Variants in GLYATL2 observed in about 807,000 individuals in gnomAD.
GLYATL2 encodes glycine N-acyltransferase-like protein 2.
GLYATL2 carries 25 observed loss-of-function variants against 21.4 expected under a neutral mutation model. The observed-to-expected ratio is 1.17, with a 90% CI of 0.85 to 1.63. The LOEUF is 1.63. GLYATL2 is among the 40% of genes most tolerant of loss of function. The pLI is 0.00. For synonymous variants in GLYATL2, 114 were observed against 118.2 expected (o/e 0.96, Z 0.23); for missense variants, 361 against 343.3 (o/e 1.05, Z -0.41).
intron 1 of GLYATL2, among the ~76,000 whole-genome samples, chr11:58,860,141 T>A (rs1014858878): frequency 3.9e-5 from 6 of 152,178 alleles, no homozygotes; most frequent in South Asian, 2.1e-4. Flanking sequence ...TGTTTTATAT[T>A]CCTTTGAAGA....
intron 1 of GLYATL2, among the ~76,000 whole-genome samples, chr11:58,878,604 G>T (rs116786326): frequency 1.4e-3 from 216 of 152,300 alleles, no homozygotes; most frequent in African/African-American, 5.0e-3. Flanking sequence ...TAATGTTGCA[G>T]AATTTATAAA....
intron 1 of GLYATL2, among the ~76,000 whole-genome samples, chr11:58,873,894 C>G (rs924211159): frequency 6.6e-6 from 1 of 152,008 alleles, no homozygotes; most frequent in South Asian, 2.1e-4. Context: ...TGGTAGAATT[C>G]GGCTGTGAAT....
chr11:58,872,418 G>A (rs921905484), intron 1 of GLYATL2, among the ~76,000 whole-genome samples: 7 of 152,204 alleles, frequency 4.6e-5, no homozygotes, highest in African/African-American at 1.7e-4. Flanking sequence ...ATGGTTTTAG[G>A]TATAACATGT....
chr11:58,909,750 AG>A, the GLYATL2 span, among the ~76,000 whole-genome samples: 4 of 152,174 alleles, frequency 2.6e-5, no homozygotes, highest in African/African-American at 9.7e-5. Context: ...AGATCTCAGA[AG>A]GCTTTCTATC....
intron 1 of GLYATL2, among the ~76,000 whole-genome samples, chr11:58,894,055 T>C (rs533877948): frequency 6.6e-6 from 1 of 152,326 alleles, no homozygotes; most frequent in African/African-American, 2.4e-5. Flanking sequence ...TTGTGGCCTC[T>C]GCTATGGAAA....
intron 1 of GLYATL2, among the ~76,000 whole-genome samples, chr11:58,858,209 T>C (rs527649632): frequency 5.1e-4 from 78 of 152,254 alleles, no homozygotes; most frequent in Non-Finnish European, 9.6e-4. Context: ...CCACAAAGCT[T>C]TAAGTTCCTT....
intron 1 of GLYATL2, among the ~76,000 whole-genome samples, chr11:58,864,119 C>T (rs11229669): frequency 0.026 from 3,901 of 152,216 alleles, 118 homozygotes; most frequent in East Asian, 0.15. Context: ...TCTGTGACCA[C>T]GGGGGCTAGC....
chr11:58,895,415 G>C (rs1854617954), intron 1 of GLYATL2, among the ~76,000 whole-genome samples: 2 of 152,152 alleles, frequency 1.3e-5, no homozygotes, highest in Admixed American at 6.5e-5. Flanking sequence ...AGACTGAGTG[G>C]CTTACACAAC....
intron 1 of GLYATL2, among the ~76,000 whole-genome samples, chr11:58,858,951 T>A (rs1157252992): frequency 6.6e-6 from 1 of 152,194 alleles, no homozygotes; most frequent in East Asian, 1.9e-4. Context: ...ACTTTCCTTC[T>A]CAGTACCTCT....
intron 1 of GLYATL2, among the ~76,000 whole-genome samples, chr11:58,877,011 G>A (rs1386915037): frequency 6.6e-6 from 1 of 152,234 alleles, no homozygotes. Flanking sequence ...CCCCAGCCTT[G>A]CTGCTGCCTT....
upstream of GLYATL2, among the ~76,000 whole-genome samples, chr11:58,846,993 A>C (rs966053373): frequency 2.0e-5 from 3 of 152,100 alleles, no homozygotes; most frequent in African/African-American, 7.2e-5. Flanking sequence ...CATCTTGGAT[A>C]TCAGCTCAGC....
At chr11:58,847,552 T>C (rs1377054298), upstream of GLYATL2, among the ~76,000 whole-genome samples, 7 of 152,184 alleles carry the variant, frequency 4.6e-5, no homozygotes, top group Non-Finnish European at 8.8e-5. Context: ...CACTGGTTGG[T>C]AGTCTGGCAA....
At chr11:58,902,089 T>C (rs1002792020) in intron 1 of GLYATL2, among the ~76,000 whole-genome samples, 2 of 152,150 alleles carry the variant, frequency 1.3e-5, no homozygotes, top group African/African-American at 4.8e-5. Context: ...TGGGAAGTGT[T>C]AGCTGCCAGT....
At chr11:58,853,479 T>C (rs1853775997) in intron 1 of GLYATL2, among the ~76,000 whole-genome samples, 2 of 152,196 alleles carry the variant, frequency 1.3e-5, no homozygotes, top group South Asian at 2.1e-4. Flanking sequence ...CTGGGGGTCC[T>C]GGAACCAATT....
chr11:58,887,329 C>T (rs529098673), intron 1 of GLYATL2, among the ~76,000 whole-genome samples: 13 of 152,088 alleles, frequency 8.5e-5, no homozygotes, highest in African/African-American at 2.7e-4. Context: ...TAGTATACCA[C>T]GTTTCTTTCA....
intron 1 of GLYATL2, among the ~76,000 whole-genome samples, chr11:58,887,628 GC>G (rs1174208390): frequency 2.6e-5 from 4 of 151,942 alleles, no homozygotes; most frequent in Admixed American, 6.6e-5. Context: ...TTTTTAATTT[GC>G]CTTTCACATA....
chr11:58,873,304 C>G (rs1382521281), intron 1 of GLYATL2, among the ~76,000 whole-genome samples: 1 of 151,814 alleles, frequency 6.6e-6, no homozygotes, highest in African/African-American at 2.4e-5. Context: ...ATGCCCTGGC[C>G]AGAACTTCCA....
At chr11:58,900,018 TG>T (rs149572420) in intron 1 of GLYATL2, among the ~76,000 whole-genome samples, 1 of 148,824 alleles carries the variant, frequency 6.7e-6, no homozygotes, top group Non-Finnish European at 1.5e-5. Context: ...TTTTGGGGGG[TG>T]GGGGGAGATC....
chr11:58,888,407 A>G (rs1458466920), intron 1 of GLYATL2, among the ~76,000 whole-genome samples: 1 of 151,918 alleles, frequency 6.6e-6, no homozygotes, highest in East Asian at 1.9e-4. Context: ...AGATCATACA[A>G]GTGTTTTCTT....
Sources: allele counts gnomAD v4.1 joint callset (sites outside exome capture counted in the v4.1 genomes callset), GRCh38; gene constraint gnomAD v4.1.1; transcripts MANE v1.5; gene names NCBI Gene and HGNC (gene_info 2026-07-23, HGNC 2026-07-21).